Variants in RGS6 observed in about 807,000 individuals in gnomAD.
RGS6 encodes the protein regulator of G-protein signaling 6.
RGS6 carries 30 observed loss-of-function variants against 78.5 expected under a neutral mutation model. The observed-to-expected ratio is 0.38, with a 90% CI of 0.29 to 0.52. The LOEUF (loss-of-function observed/expected upper bound fraction) is 0.52. RGS6 is among the 20% of genes least tolerant of loss of function. RGS6 has a pLI of 0.85. For missense variants in RGS6, 495 were observed against 609.7 expected, an observed-to-expected ratio of 0.81 and a Z score of 1.98; for synonymous variants, 206 against 206.0, an observed-to-expected ratio of 1.00 and a Z score of 0.00.
At chr14:72,453,887 G>C (rs554391145) in intron 3 of RGS6, among the ~76,000 whole-genome samples, 2 of 152,156 alleles carry the variant, frequency 1.3e-5, no homozygotes, top group Admixed American at 6.5e-5. Context: ...AAGGGGCAGA[G>C]CTAAGGAGAG....
At chr14:72,331,099 G>T (rs1000669997) in intron 2 of RGS6, among the ~76,000 whole-genome samples, 3 of 152,176 alleles carry the variant, frequency 2.0e-5, no homozygotes, top group Non-Finnish European at 4.4e-5. Context: ...CCAGGATTCT[G>T]TTAGACACAG....
Position 72,214,246 on chromosome 14 carries a change from G to A in RGS6, c.85-137849G>A, listed in dbSNP as rs1342805350. The stretch of plus-strand genomic sequence containing the variant: ...GCTGGAGAGCAGTGGGTGCAACCTC[G>A]GCTCACTGCAGCCTCTGCTTCCTGG... On this transcript the variant is annotated intron_variant, in intron 2 of 17. Transcript: ENST00000553525. 4.7e-5 allele frequency among the ~76,000 whole-genome samples: 7 copies of A among 148,606 alleles called. No homozygotes were observed. The East Asian group carries it at 1.4e-3, about 30-fold the overall frequency.
At chr14:72,306,526 T>C (rs1327442110) in intron 2 of RGS6, among the ~76,000 whole-genome samples, 1 of 152,184 alleles carries the variant, frequency 6.6e-6, no homozygotes, top group African/African-American at 2.4e-5. Flanking sequence ...CCAGATGCCA[T>C]TAAGAACAGT....
chr14:71,943,713 A>G (rs2091023407), intron 1 of RGS6, among the ~76,000 whole-genome samples: 1 of 152,240 alleles, frequency 6.6e-6, no homozygotes, highest in Non-Finnish European at 1.5e-5. Flanking sequence ...CTGCATTGAT[A>G]GGGCTTATGC....
chr14:72,566,549 CT>C (rs1398997485), downstream of RGS6: 1 of 151,594 alleles, frequency 6.6e-6, no homozygotes, highest in African/African-American at 2.4e-5. Flanking sequence ...TGTGTGGCTC[CT>C]TGGTTTGGGG....
intron 2 of RGS6, among the ~76,000 whole-genome samples, chr14:72,287,023 A>G (rs942419076): frequency 6.6e-6 from 1 of 152,196 alleles, no homozygotes; most frequent in Admixed American, 6.5e-5. Context: ...ACCTCAGGTG[A>G]TCCACCCACC....
At chr14:72,110,371 C>G (rs1390291418) in intron 2 of RGS6, among the ~76,000 whole-genome samples, 1 of 152,196 alleles carries the variant, frequency 6.6e-6, no homozygotes, top group Non-Finnish European at 1.5e-5. Context: ...ATAATACACT[C>G]TCTTCTCATC....
intron 2 of RGS6, among the ~76,000 whole-genome samples, chr14:72,112,045 C>A (rs912331412): frequency 6.6e-6 from 1 of 152,184 alleles, no homozygotes; most frequent in Non-Finnish European, 1.5e-5. Flanking sequence ...CATTGGCATG[C>A]GGAGCTCTGG....
intron 2 of RGS6, among the ~76,000 whole-genome samples, chr14:72,175,069 C>T (rs2097087453): frequency 6.6e-6 from 1 of 152,160 alleles, no homozygotes; most frequent in Admixed American, 6.5e-5. Flanking sequence ...AGGGACTGTG[C>T]CGAGTGTCAT....
chr14:72,265,941 G>A (rs4992230), intron 2 of RGS6, among the ~76,000 whole-genome samples: 9 of 145,254 alleles, frequency 6.2e-5, no homozygotes, highest in Non-Finnish European at 1.2e-4. Context: ...GCTTTTTTGG[G>A]GGGGGGGGCG....
intron 3 of RGS6, among the ~76,000 whole-genome samples, chr14:72,400,144 C>T (rs767313373): frequency 6.6e-6 from 1 of 152,186 alleles, no homozygotes. Flanking sequence ...AGAGAAAGGT[C>T]GGGTTACCCA....
intron 2 of RGS6, among the ~76,000 whole-genome samples, chr14:72,099,284 C>T (rs983162686): frequency 2.6e-5 from 4 of 152,052 alleles, no homozygotes; most frequent in Admixed American, 6.5e-5. Context: ...CTCAGCCTCC[C>T]GAGTAGCTGG....
rs541861536 is a variant in RGS6, at chr14:72,259,366, C to T, written c.85-92729C>T. ...CAGGTTTGCCACAGTCTCCACCATT[C>T]CCTACTGCCTTACTTACTACATTTT... On this transcript the variant is annotated intron_variant, in intron 2 of 17. Coordinates refer to ENST00000553525, the MANE Select transcript of RGS6 (RefSeq NM_001204424.2). 2.6e-5 allele frequency among the ~76,000 whole-genome samples: 4 copies of T among 152,248 alleles called. No individual in the cohort carries two copies. The South Asian group carries it at 6.2e-4, about 24-fold the overall frequency.
intron 2 of RGS6, among the ~76,000 whole-genome samples, chr14:72,214,087 A>AT (rs11396699): frequency 0.99 from 150,150 of 152,066 alleles, 74,139 homozygotes; most frequent in East Asian, 1. Context: ...TGTTTTATGC[A>AT]TTTTGAGTTA....
chr14:72,205,948 A>G (rs1360753901), intron 2 of RGS6, among the ~76,000 whole-genome samples: 2 of 152,314 alleles, frequency 1.3e-5, no homozygotes, highest in South Asian at 4.2e-4. Context: ...TAGGCAAGCA[A>G]TTTTGTACTA....
At chr14:71,878,676 GCTGCACCCACTGTC>G in the RGS6 span, among the ~76,000 whole-genome samples, 2 of 152,132 alleles carry the variant, frequency 1.3e-5, no homozygotes. Flanking sequence ...TGGTCTGCAG[GCTGCACCCACTGTC>G]CTGCACCCAC....
At chr14:72,578,890 C>A in the RGS6 span, among the ~76,000 whole-genome samples, 2 of 152,134 alleles carry the variant, frequency 1.3e-5, no homozygotes, top group Non-Finnish European at 2.9e-5. Context: ...TTGGGCGAAG[C>A]TGTAACATTA....
intron 2 of RGS6, among the ~76,000 whole-genome samples, chr14:71,998,014 G>A (rs892137570): frequency 2.0e-5 from 3 of 152,294 alleles, no homozygotes; most frequent in Middle Eastern, 3.4e-3. Flanking sequence ...AGCCTCAGGA[G>A]GGCCTGACGA....
At chr14:71,951,493 C>T (rs947477179) in intron 1 of RGS6, among the ~76,000 whole-genome samples, 1 of 152,110 alleles carries the variant, frequency 6.6e-6, no homozygotes, top group Non-Finnish European at 1.5e-5. Flanking sequence ...ATAGGTGCAG[C>T]AAACCATCAT....
Sources: gnomAD v4.1 joint callset for allele counts (sites outside exome capture counted in the v4.1 genomes callset) on GRCh38, gnomAD v4.1.1 for gene constraint, MANE v1.5 for transcripts, NCBI Gene and HGNC (gene_info 2026-07-23, HGNC 2026-07-21) for gene names.